Variants in CPNE8 observed in about 807,000 individuals in gnomAD.
CPNE8 encodes copine-8.
A neutral mutation model predicts 81.5 loss-of-function variants in CPNE8; 45 were observed. The observed-to-expected ratio is 0.55, with a 90% CI of 0.44 to 0.71. CPNE8 has a LOEUF of 0.71. Among genes scored for constraint, CPNE8 ranks in the 30% least tolerant of loss-of-function variants. CPNE8 has a pLI of 0.00. For synonymous variants in CPNE8, 252 were observed against 226.3 expected, an observed-to-expected ratio of 1.11 and a Z score of -1.02; for missense variants, 594 against 672.1, an observed-to-expected ratio of 0.88 and a Z score of 1.28.
At chr12:38,657,432 G>A (rs1465385087) in intron 19 of CPNE8, among the ~76,000 whole-genome samples, 2 of 152,128 alleles carry the variant, frequency 1.3e-5, no homozygotes, top group African/African-American at 2.4e-5. Context: ...CTCTATAAAC[G>A]CCACCTCTGT....
In CPNE8 at chr12:38,898,836, T is replaced by C. The variant is rs182525330; in HGVS notation, c.98+6601A>G. ...TCTCTCTTGGAATCTAACTTTGCTT[T>C]CGCAGATGGTCAGTTAATCACTAAG... On this transcript the variant is annotated intron_variant, in intron 1 of 19. Coordinates refer to ENST00000331366, the MANE Select transcript of CPNE8 (RefSeq NM_153634.3). 4.8e-3 allele frequency among the ~76,000 whole-genome samples: 737 copies of C among 152,322 alleles called. 4 individuals carry two copies. The highest frequency in any genetic ancestry group is 0.031 in the Middle Eastern group (9 of 294).
chr12:38,760,257 T>A (rs1372482362), intron 10 of CPNE8, among the ~76,000 whole-genome samples: 1 of 151,856 alleles, frequency 6.6e-6, no homozygotes. Flanking sequence ...CTCATCATCA[T>A]CCTACGAAGA....
At position 38,683,817 on chromosome 12, in the gene CPNE8, G is replaced by A. The variant is rs185136959; in HGVS notation, c.1271+1673C>T. On this transcript the variant is annotated intron_variant, in intron 16 of 19. Coordinates refer to ENST00000331366, the MANE Select transcript of CPNE8 (RefSeq NM_153634.3). ...TTAGATCATAGTTTATTTTCAAGGA[G>A]TCTGAAAGCTTTCACTAGCAGGTGC... Among the ~76,000 whole-genome samples, 144 of 152,070 alleles carry A rather than the reference G, an allele frequency of 9.5e-4. 2 individuals carry two copies. The highest frequency in any genetic ancestry group is 5.0e-4 in the Non-Finnish European group (34 of 67,952).
At chr12:38,758,147 A>ACTCTCTCTCTCTCT (rs34541514) in intron 10 of CPNE8, among the ~76,000 whole-genome samples, 35 of 149,112 alleles carry the variant, frequency 2.3e-4, no homozygotes, top group African/African-American at 8.6e-4. Flanking sequence ...CTGTGAACAA[A>ACTCTCTCTCTCTCT]CTCTCTCTCT....
intron 19 of CPNE8, among the ~76,000 whole-genome samples, chr12:38,668,929 C>T (rs1471661118): frequency 6.6e-6 from 1 of 152,028 alleles, no homozygotes; most frequent in Admixed American, 6.6e-5. Context: ...TGGCAGGCAC[C>T]TGTAGTCCCA....
intron 1 of CPNE8, among the ~76,000 whole-genome samples, 200 bp downstream of exon 1, chr12:38,905,237 G>A (rs2137177372): frequency 6.6e-6 from 1 of 152,260 alleles, no homozygotes; most frequent in Non-Finnish European, 1.5e-5. Flanking sequence ...CAAAGTCTCA[G>A]TCCCGGAGCC....
intron 1 of CPNE8, among the ~76,000 whole-genome samples, chr12:38,886,849 G>A (rs1944244495): frequency 6.6e-6 from 1 of 152,184 alleles, no homozygotes; most frequent in African/African-American, 2.4e-5. Context: ...GCTCAGATGG[G>A]AGACCCAGAT....
intron 10 of CPNE8, among the ~76,000 whole-genome samples, chr12:38,743,903 A>G (rs1443911598): frequency 6.6e-6 from 1 of 152,198 alleles, no homozygotes; most frequent in African/African-American, 2.4e-5. Context: ...CTGAATTTTT[A>G]TTGGCAGTGA....
In CPNE8 at chr12:38,799,828, G is replaced by T. The variant is rs372950681; in HGVS notation, c.408-23527C>A. 9.5e-3 allele frequency among the ~76,000 whole-genome samples: 1,408 copies of T among 148,952 alleles called. 22 individuals are homozygous for T. Among genetic ancestry groups the T allele is most frequent in the South Asian group, 0.041 (186 of 4,568 alleles). ...CCGTGCGCGAGCCGAAGCAGGGCGA[G>T]GCATTGCCTCACCTGGGAAGCGCAA... On this transcript the variant is annotated intron_variant, in intron 6 of 19. Transcript: ENST00000331366.
intron 6 of CPNE8, among the ~76,000 whole-genome samples, chr12:38,820,856 A>C (rs1290526168): frequency 6.6e-6 from 1 of 152,188 alleles, no homozygotes; most frequent in African/African-American, 2.4e-5. Flanking sequence ...AAAATGGATG[A>C]TCTTCCTTTT....
chr12:38,719,221 A>G (rs568107209), intron 13 of CPNE8, among the ~76,000 whole-genome samples: 63 of 152,342 alleles, frequency 4.1e-4, no homozygotes, highest in Non-Finnish European at 7.2e-4. Flanking sequence ...GATATTTTAA[A>G]TGATTTGCCT....
At position 38,693,662 on chromosome 12, in the gene CPNE8, C is replaced by A. The variant is rs1025322893; in HGVS notation, c.1138G>T (p.Ala380Ser). ...TCCTTTTGACAAATTCTTACCAAAG[C>A]AAATTCGTGAGATATCCTTCCATCT... ...PPDGRISHEFALNGNPQNPYC... is the reference protein window; with the variant it reads ...PPDGRISHEFSLNGNPQNPYC... Residue 380 changes from alanine (A) to serine (S), a missense_variant, in exon 15 of 20, where the codon GCT becomes TCT. Ala to Ser is a moderately conservative substitution (Grantham distance 99). Transcript: ENST00000331366. 6.2e-7 allele frequency: 1 copy of A among 1,607,280 alleles called. No homozygotes were observed. The highest frequency in any genetic ancestry group is 1.7e-5 in the Admixed American group (1 of 58,790).
chr12:38,865,467 T>C (rs1358351602), intron 3 of CPNE8, among the ~76,000 whole-genome samples: 2 of 152,206 alleles, frequency 1.3e-5, no homozygotes, highest in African/African-American at 4.8e-5. Context: ...GAACAACCTA[T>C]TGCCGCAGGC....
intron 19 of CPNE8, among the ~76,000 whole-genome samples, chr12:38,659,173 TA>T (rs1257629809): frequency 2.0e-5 from 3 of 147,064 alleles, no homozygotes; most frequent in Non-Finnish European, 3.0e-5. Flanking sequence ...GAGACACACA[TA>T]GGCTCAAAAT....
rs372515345 is a variant in CPNE8, at chr12:38,760,942, T to C, written c.681-54A>G. 2.9e-5 allele frequency: 36 copies of C among 1,260,358 alleles called. No individual in the cohort carries two copies. In the African/African-American group the frequency reaches 5.7e-4, roughly 20 times the overall value. 78.1% of individuals were successfully genotyped at this position (1,260,358 alleles called of 1,614,324 possible). A position where few individuals can be genotyped will look rare whatever the true frequency, so the allele number is the denominator to read the frequency against. ...GTTACTTAGTAAGATCAAAATAATGTATGGTTGAGAATTTAAAAATAAGTT... is the reference window on the plus strand; with the variant it reads ...GTTACTTAGTAAGATCAAAATAATGCATGGTTGAGAATTTAAAAATAAGTT... On this transcript the variant is annotated intron_variant, in intron 9 of 19. Transcript: ENST00000331366.
chr12:38,710,268 C>CAAAAAAAAAAAAAAAAAAAAAAAA (rs57376063), intron 13 of CPNE8, among the ~76,000 whole-genome samples: 3 of 50,260 alleles, frequency 6.0e-5, no homozygotes, highest in Non-Finnish European at 7.7e-5. Context: ...AATAAGCTAA[C>CAAAAAAAAAAAAAAAAAAAAAAAA]AAAAAAAAAA....
chr12:38,785,959 G>A (rs1443256206), intron 6 of CPNE8, among the ~76,000 whole-genome samples: 1 of 151,332 alleles, frequency 6.6e-6, no homozygotes, highest in Non-Finnish European at 1.5e-5. Context: ...TATCAACAGA[G>A]AAAATCACCT....
At chr12:38,740,550 T>G (rs1941074246) in intron 10 of CPNE8, among the ~76,000 whole-genome samples, 1 of 152,204 alleles carries the variant, frequency 6.6e-6, no homozygotes, top group African/African-American at 2.4e-5. Context: ...TAGCTCTTAC[T>G]ATTTTGAGAT....
intron 6 of CPNE8, among the ~76,000 whole-genome samples, chr12:38,811,605 A>G (rs1300730482): frequency 6.6e-6 from 1 of 151,862 alleles, no homozygotes; most frequent in Non-Finnish European, 1.5e-5. Context: ...TTGAAGTCCC[A>G]GCACTTTCAG....
Sources: allele counts gnomAD v4.1 joint callset (sites outside exome capture counted in the v4.1 genomes callset), GRCh38; gene constraint gnomAD v4.1.1; transcripts MANE v1.5; gene names NCBI Gene and HGNC (gene_info 2026-07-23, HGNC 2026-07-21).